The following SMCHD1 variants were observed in gnomAD, a reference collection of about 807,000 sequenced individuals.
The protein encoded by SMCHD1 is structural maintenance of chromosomes flexible hinge domain containing 1, also known as structural maintenance of chromosomes flexible hinge domain-containing protein 1.
A neutral mutation model predicts 254.7 loss-of-function variants in SMCHD1; 78 were observed. That is an observed-to-expected ratio of 0.31 (90% confidence interval 0.26 to 0.37). The LOEUF (loss-of-function observed/expected upper bound fraction) is 0.37. Among genes scored for constraint, SMCHD1 ranks in the 10% least tolerant of loss-of-function variants. The pLI is 1.00. For missense variants in SMCHD1, 1,840 were observed against 2,408.1 expected (o/e 0.76, Z 4.94); for synonymous variants, 766 against 794.9 (o/e 0.96, Z 0.61).
At chr18:2,769,358 CAAG>C (rs1376356404) in intron 37 of SMCHD1, among the ~76,000 whole-genome samples, 2 of 152,126 alleles carry the variant, frequency 1.3e-5, no homozygotes, top group African/African-American at 4.8e-5. Flanking sequence ...AGGTTAGAAT[CAAG>C]AAGATTTTAC....
chr18:2,763,834 T>C (rs372525578), intron 37 of SMCHD1, 45 bp downstream of exon 37: 208 of 1,563,060 alleles, frequency 1.3e-4, no homozygotes, highest in Non-Finnish European at 1.8e-4. Context: ...CTGTATTTAA[T>C]GCTTTTAACC....
chr18:2,659,160 C>T (rs919340273), intron 1 of SMCHD1, among the ~76,000 whole-genome samples: 12 of 152,246 alleles, frequency 7.9e-5, no homozygotes, highest in African/African-American at 2.4e-4. Context: ...CTCTGTTGCC[C>T]GGGCTGGAGT....
chr18:2,800,275 T>C (rs2076337035), intron 47 of SMCHD1, among the ~76,000 whole-genome samples: 1 of 152,040 alleles, frequency 6.6e-6, no homozygotes, highest in Non-Finnish European at 1.5e-5. Flanking sequence ...CAGCCTAGAA[T>C]GTACCAGATT....
intron 32 of SMCHD1, among the ~76,000 whole-genome samples, chr18:2,750,785 T>G (rs1397666742): frequency 6.6e-6 from 1 of 152,138 alleles, no homozygotes; most frequent in Non-Finnish European, 1.5e-5. Flanking sequence ...ATTTAAAAAT[T>G]GTTGACAATA....
chr18:2,698,208 T>C (rs1014747563), intron 10 of SMCHD1, among the ~76,000 whole-genome samples, 167 bp downstream of exon 10: 14 of 152,346 alleles, frequency 9.2e-5, no homozygotes, highest in Middle Eastern at 3.4e-3. Flanking sequence ...TAATTCCTGA[T>C]TTTTGTGTAC....
intron 45 of SMCHD1, among the ~76,000 whole-genome samples, chr18:2,795,061 T>G (rs960856993): frequency 2.6e-5 from 4 of 151,666 alleles, no homozygotes; most frequent in Non-Finnish European, 5.9e-5. Flanking sequence ...TTTTGTTTTG[T>G]TTTTGTTTTT....
Position 2,760,665 on chromosome 18 carries a change from C to G in SMCHD1, c.4360C>G (p.Pro1454Ala). The G allele has an allele frequency of 6.4e-7, 1 of 1,557,146 alleles. No homozygotes were observed. Among genetic ancestry groups the G allele is most frequent in the South Asian group, 1.1e-5 (1 of 89,536 alleles). Residue 1454 changes from proline (P) to alanine (A), a missense_variant, in exon 35 of 48, where the codon CCT (proline) becomes GCT (alanine). Physicochemically the swap from Pro to Ala is conservative, Grantham distance 27 (BLOSUM62 -1). Transcript: ENST00000320876. ...GCFYFRDKVI[P>A]NKVGTYCIQF... ...TTTTAAATTTAGGGATAAAGTAATT[C>G]CTAATAAAGTGGGGACATATTGTAT...
chr18:2,677,437 T>C (rs575067140), intron 5 of SMCHD1, among the ~76,000 whole-genome samples: 1 of 152,324 alleles, frequency 6.6e-6, no homozygotes, highest in South Asian at 2.1e-4. Flanking sequence ...ATTGAATTTA[T>C]CTTTTATGGA....
chr18:2,770,756 GA>G, intron 39 of SMCHD1, among the ~76,000 whole-genome samples: 2 of 152,240 alleles, frequency 1.3e-5, no homozygotes, highest in South Asian at 4.2e-4. Flanking sequence ...AAGTAGCTAG[GA>G]TTACAGGCAC....
At chr18:2,673,874 T>A in intron 4 of SMCHD1, 141 bp from the exon 5 acceptor site, 1 of 785,998 alleles carries the variant, frequency 1.3e-6, no homozygotes, top group Non-Finnish European at 2.0e-6. Flanking sequence ...CTGAAGTGCC[T>A]TTCAGAAAAT....
chr18:2,706,145 A>G (rs2074507883), intron 14 of SMCHD1, among the ~76,000 whole-genome samples: 2 of 152,154 alleles, frequency 1.3e-5, no homozygotes, highest in African/African-American at 4.8e-5. Flanking sequence ...TTTTTTCCCT[A>G]TACCATGCTT....
chr18:2,776,315 G>A (rs1400973495), intron 42 of SMCHD1, among the ~76,000 whole-genome samples: 1 of 152,014 alleles, frequency 6.6e-6, no homozygotes, highest in Non-Finnish European at 1.5e-5. Flanking sequence ...CAACGTCCCT[G>A]GATTCAAACT....
intron 45 of SMCHD1, among the ~76,000 whole-genome samples, chr18:2,788,737 T>G (rs2143831289): frequency 6.6e-6 from 1 of 152,222 alleles, no homozygotes; most frequent in East Asian, 1.9e-4. Context: ...GTGCTGGGAT[T>G]ACAGGTGCAC....
chr18:2,683,583 G>T (rs2073977020), intron 5 of SMCHD1, among the ~76,000 whole-genome samples: 1 of 152,158 alleles, frequency 6.6e-6, no homozygotes, highest in Non-Finnish European at 1.5e-5. Flanking sequence ...AAAAGAAGGT[G>T]TATTTTGCTC....
chr18:2,746,591 A>T (rs1316812087), intron 29 of SMCHD1, among the ~76,000 whole-genome samples: 1 of 152,188 alleles, frequency 6.6e-6, no homozygotes, highest in Non-Finnish European at 1.5e-5. Context: ...GGTTTTTTTC[A>T]TAATGTCTTA....
chr18:2,657,428 T>C (rs1183122750), intron 1 of SMCHD1, among the ~76,000 whole-genome samples: 1 of 152,220 alleles, frequency 6.6e-6, no homozygotes, highest in Non-Finnish European at 1.5e-5. Context: ...AGTGAATGAA[T>C]GCTCATCTTT....
intron 37 of SMCHD1, among the ~76,000 whole-genome samples, chr18:2,765,682 T>A (rs11659756): frequency 0.3 from 45,289 of 152,160 alleles, 6,944 homozygotes; most frequent in East Asian, 0.5. Context: ...CAGTGACTGC[T>A]CCTGTCAGTG....
intron 12 of SMCHD1, chr18:2,702,330 A>C (rs1358857339): frequency 3.4e-5 from 5 of 145,318 alleles, no homozygotes; most frequent in Non-Finnish European, 6.1e-5. Flanking sequence ...TCAAATACAC[A>C]GAAAAGTTGA....
intron 34 of SMCHD1, among the ~76,000 whole-genome samples, chr18:2,759,302 A>G (rs1305684386): frequency 6.6e-6 from 1 of 152,156 alleles, no homozygotes; most frequent in Non-Finnish European, 1.5e-5. Context: ...AGAGATTGAC[A>G]TGATTCAAAG....
Sources: gnomAD v4.1 joint callset for allele counts (sites outside exome capture counted in the v4.1 genomes callset) on GRCh38, gnomAD v4.1.1 for gene constraint, MANE v1.5 for transcripts, NCBI Gene and HGNC (gene_info 2026-07-23, HGNC 2026-07-21) for gene names.